Variants in SYNE1 observed in about 807,000 individuals in gnomAD.
The protein encoded by SYNE1 is spectrin repeat containing nuclear envelope protein 1, also known as nesprin-1.
SYNE1 carries 616 observed loss-of-function variants against 1,111.0 expected under a neutral mutation model. The ratio of observed to expected loss-of-function variants is 0.55; its 90% confidence interval spans 0.52 to 0.59. SYNE1 has a LOEUF of 0.59. Ranked by LOEUF, SYNE1 falls within the 20% of genes least tolerant of loss-of-function variation. The pLI, the probability that SYNE1 is intolerant of heterozygous loss-of-function variation, is 0.00. For synonymous variants in SYNE1, 3,855 were observed against 3,825.8 expected (o/e 1.01, Z -0.28); for missense variants, 10,006 against 10,417.0 (o/e 0.96, Z 1.72).
intron 3 of SYNE1, chr6:152,546,200 G>T (rs1334866200): frequency 1.3e-5 from 2 of 152,114 alleles, no homozygotes; most frequent in Non-Finnish European, 2.9e-5. Flanking sequence ...ATATTGAATA[G>T]TCCAACACAA....
At chr6:152,268,959 G>C (rs772563188) in intron 99 of SYNE1, among the ~76,000 whole-genome samples, 196 bp downstream of exon 99, 6 of 152,142 alleles carry the variant, frequency 3.9e-5, no homozygotes, top group Non-Finnish European at 7.3e-5. Context: ...TTAAAGACTG[G>C]ATTTTCAAAT....
intron 145 of SYNE1, among the ~76,000 whole-genome samples, chr6:152,124,671 G>A (rs771084115): frequency 5.5e-5 from 8 of 144,520 alleles, no homozygotes; most frequent in Non-Finnish European, 1.2e-4. Flanking sequence ...TAAGACCAAT[G>A]AGTTATTCCT....
chr6:152,199,897 T>C (rs1328948595), intron 127 of SYNE1, among the ~76,000 whole-genome samples: 1 of 152,236 alleles, frequency 6.6e-6, no homozygotes, highest in Non-Finnish European at 1.5e-5. Flanking sequence ...AGCGTGTGTT[T>C]GTAACTGTCA....
intron 30 of SYNE1, 29 bp from the exon 31 acceptor site, chr6:152,442,274 T>C (rs759383773): frequency 1.9e-6 from 3 of 1,610,542 alleles, no homozygotes; most frequent in Non-Finnish European, 1.7e-6. Context: ...CAGATGGATA[T>C]AAATTGTGCT....
At position 152,206,205 on chromosome 6, in the gene SYNE1, A is replaced by T. The variant is rs754875084; in HGVS notation, c.22982T>A (p.Leu7661Gln). Residue 7661 changes from leucine (L) to glutamine (Q), a missense_variant, in exon 126 of 146, where the codon CTG becomes CAG. This residue lies in a region of SYNE1 where 2,182 missense variants were observed against 2,287.8 expected (regional missense o/e 0.95). Coordinates refer to ENST00000367255, the MANE Select transcript of SYNE1 (RefSeq NM_182961.4). The part of the protein sequence containing the change: ...QEKWKSASMR[L>Q]EEQKKKLAFL... Reference sequence around the variant, plus strand: ...GGCTAGTTTTTTCTTCTGTTCTTCCAGCCGCATGCTGGCTGATTTCCATTT... The same window carrying T: ...GGCTAGTTTTTTCTTCTGTTCTTCCTGCCGCATGCTGGCTGATTTCCATTT... The T allele has an allele frequency of 6.2e-7, 1 of 1,613,664 alleles. No homozygotes were observed. The highest frequency in any genetic ancestry group is 8.5e-7 in the Non-Finnish European group (1 of 1,180,018).
chr6:152,267,028 T>G (rs1471264486), intron 100 of SYNE1, among the ~76,000 whole-genome samples: 1 of 152,240 alleles, frequency 6.6e-6, no homozygotes, highest in Non-Finnish European at 1.5e-5. Context: ...CATCATACAT[T>G]TATTTTTTGA....
intron 134 of SYNE1, 32 bp from the exon 135 acceptor site, chr6:152,151,722 T>C (rs1385869340): frequency 2.5e-6 from 4 of 1,606,552 alleles, no homozygotes; most frequent in Non-Finnish European, 3.4e-6. Flanking sequence ...GTAACAATTA[T>C]TTTTATTAAA....
In SYNE1 at chr6:152,176,383, G is replaced by T. The variant is rs73780621; in HGVS notation, c.23627+11C>A. The T allele has an allele frequency of 1.2e-6, 2 of 1,613,984 alleles. No individual in the cohort carries two copies. The highest frequency in any genetic ancestry group is 1.3e-5 in the African/African-American group (1 of 75,022). ...GCCCACACGTGCCCTATTGACTCAG[G>T]TCCTCTTTACCTGGCTGCAATGAGG... On this transcript the variant is annotated intron_variant, in intron 130 of 145. Transcript: ENST00000367255.
intron 3 of SYNE1, among the ~76,000 whole-genome samples, chr6:152,542,655 T>G (rs949458316): frequency 1.3e-5 from 2 of 152,292 alleles, no homozygotes; most frequent in East Asian, 3.9e-4. Context: ...AGATATCTAG[T>G]AGTATACTAT....
chr6:152,317,105 G>T, intron 86 of SYNE1, 119 bp from the exon 87 acceptor site: 2 of 1,076,506 alleles, frequency 1.9e-6, no homozygotes, highest in East Asian at 2.4e-5. Flanking sequence ...TAATACCTAT[G>T]ATATTCAATG....
At chr6:152,271,986 T>C (rs768044423) in intron 98 of SYNE1, among the ~76,000 whole-genome samples, 1 of 152,268 alleles carries the variant, frequency 6.6e-6, no homozygotes, top group Non-Finnish European at 1.5e-5. Context: ...TATGGTCTGA[T>C]TGAGAGAGGT....
At chr6:152,629,535 GGGA>G (rs1187257111) in intron 2 of SYNE1, among the ~76,000 whole-genome samples, 163 of 88,238 alleles carry the variant, frequency 1.8e-3, no homozygotes, top group East Asian at 5.4e-3. Flanking sequence ...GGGGGGGGGG[GGGA>G]GGGGGAGGGG....
Position 152,330,397 on chromosome 6 carries a change from T to C in SYNE1, c.14288A>G (p.Lys4763Arg). ...GCTAACCCTCTGTTCTGTTTGTCGC[T>C]TCAGCCTGTGATATAAGGTGACAAG... ...LHLVTLYHRLKRQTEQRVSLL... is the reference protein window; with the variant it reads ...LHLVTLYHRLRRQTEQRVSLL... The change falls in exon 78 of 146, where the codon AAG becomes AGG. Residue 4763 changes from lysine to arginine, a missense_variant. Coordinates refer to ENST00000367255, the MANE Select transcript of SYNE1 (RefSeq NM_182961.4). 2 of 1,614,178 alleles carry C rather than the reference T, an allele frequency of 1.2e-6. No individual in the cohort carries two copies. Among genetic ancestry groups the C allele is most frequent in the Non-Finnish European group, 1.7e-6 (2 of 1,180,038 alleles).
chr6:152,304,373 C>T (rs1454022266), intron 91 of SYNE1, among the ~76,000 whole-genome samples: 1 of 152,114 alleles, frequency 6.6e-6, no homozygotes, highest in East Asian at 1.9e-4. Context: ...CTCGCTCTGT[C>T]ACCCAGGCTG....
chr6:152,245,049 C>G (rs765539646), intron 105 of SYNE1, among the ~76,000 whole-genome samples: 1 of 152,188 alleles, frequency 6.6e-6, no homozygotes, highest in Non-Finnish European at 1.5e-5. Flanking sequence ...GTCCTTGAAA[C>G]GTAGCTGTGA....
rs2095870741 is a variant in SYNE1, at chr6:152,321,634, A to T, written c.16083+87T>A. On this transcript the variant is annotated intron_variant, in intron 83 of 145. Coordinates refer to ENST00000367255, the MANE Select transcript of SYNE1 (RefSeq NM_182961.4). ...TCTGAAATTTTTTAATTCAATATTC[A>T]ATAAATACAAACAAGTATGTTCAAC... 3.9e-6 allele frequency: 6 copies of T among 1,527,462 alleles called. No homozygotes were observed. The South Asian group carries it at 5.8e-5, about 15-fold the overall frequency. The allele number at this position is 1,527,462 out of a possible 1,614,324, so 94.6% of individuals were successfully genotyped here. A position where few individuals can be genotyped will look rare whatever the true frequency, so the allele number is the denominator to read the frequency against.
At chr6:152,456,235 G>A (rs2098695078) in intron 22 of SYNE1, among the ~76,000 whole-genome samples, 191 bp from the exon 23 acceptor site, 1 of 151,222 alleles carries the variant, frequency 6.6e-6, no homozygotes, top group Admixed American at 6.6e-5. Flanking sequence ...TGAAGTCAGT[G>A]CTTTCTTATA....
chr6:152,236,466 T>G lies in SYNE1; in HGVS notation c.20200-163A>C, dbSNP rs191928418. ...AACTTTAAGATGTTTCATCTATATTTAAGTATAGACAGTCTCCTTTTGTTG... is the reference window on the plus strand; with the variant it reads ...AACTTTAAGATGTTTCATCTATATTGAAGTATAGACAGTCTCCTTTTGTTG... On this transcript the variant is annotated intron_variant, in intron 109 of 145. Transcript: ENST00000367255. Among the ~76,000 whole-genome samples, 38 of 152,268 alleles carry G rather than the reference T, an allele frequency of 2.5e-4. No homozygotes were observed. In the East Asian group the frequency reaches 5.8e-3, roughly 23 times the overall value.
At chr6:152,356,236 G>A (rs948566972) in intron 66 of SYNE1, among the ~76,000 whole-genome samples, 12 of 151,744 alleles carry the variant, frequency 7.9e-5, no homozygotes, top group African/African-American at 2.7e-4. Flanking sequence ...AATGGGTGTG[G>A]CTGCATTCCA....
Sources: allele counts gnomAD v4.1 joint callset (sites outside exome capture counted in the v4.1 genomes callset), GRCh38; gene constraint gnomAD v4.1.1; regional missense constraint gnomAD v4.1.1; transcripts MANE v1.5; gene names NCBI Gene and HGNC (gene_info 2026-07-23, HGNC 2026-07-21).